Variants in ZNF280D observed in about 807,000 individuals in gnomAD.
The protein encoded by ZNF280D is zinc finger protein 280D.
A neutral mutation model predicts 94.7 loss-of-function variants in ZNF280D; 39 were observed. The observed-to-expected ratio is 0.41, with a 90% CI of 0.32 to 0.54. ZNF280D has a LOEUF of 0.54. ZNF280D is among the 20% of genes least tolerant of loss of function. ZNF280D has a pLI of 0.22. For synonymous variants in ZNF280D, 398 were observed against 377.6 expected (o/e 1.05, Z -0.63); for missense variants, 1,090 against 1,149.3 (o/e 0.95, Z 0.75).
intron 19 of ZNF280D, among the ~76,000 whole-genome samples, chr15:56,644,733 A>G (rs1340761457): frequency 6.6e-6 from 1 of 152,138 alleles, no homozygotes; most frequent in Admixed American, 6.5e-5. Flanking sequence ...AAGTATGTTC[A>G]TTATTGCTGG....
chr15:56,631,797 T>A lies in ZNF280D; in HGVS notation c.2641A>T (p.Ile881Phe). ...TCTGATGCTAATCGCAAATCCTTAA[T>A]ATTCTTTGAAGAAAATCTGGCTTCA... ...SSEARFSSKN[I>F]KDLRLASDNV... Residue 881 changes from isoleucine to phenylalanine, a missense_variant, in exon 22 of 22, where the codon ATT (isoleucine) becomes TTT (phenylalanine). Transcript: ENST00000267807. 6.2e-7 allele frequency: 1 copy of A among 1,614,118 alleles called. No individual in the cohort carries two copies. Among genetic ancestry groups the A allele is most frequent in the Non-Finnish European group, 8.5e-7 (1 of 1,180,016 alleles).
intron 20 of ZNF280D, among the ~76,000 whole-genome samples, chr15:56,642,377 A>G (rs2052671465): frequency 6.6e-6 from 1 of 151,768 alleles, no homozygotes; most frequent in South Asian, 2.1e-4. Context: ...ACTCAAAAAG[A>G]GGCAAACAAT....
chr15:56,670,385 C>T (rs2054780427), intron 13 of ZNF280D, among the ~76,000 whole-genome samples: 1 of 151,564 alleles, frequency 6.6e-6, no homozygotes, highest in African/African-American at 2.4e-5. Flanking sequence ...TGTGTTGTTC[C>T]CCTCTATGTG....
intron 1 of ZNF280D, among the ~76,000 whole-genome samples, chr15:56,708,196 G>A (rs1175016615): frequency 6.6e-6 from 1 of 152,122 alleles, no homozygotes; most frequent in Non-Finnish European, 1.5e-5. Context: ...TCTAAAGTAT[G>A]TAAACTGAAT....
Position 56,707,828 on chromosome 15 carries a change from T to C in ZNF280D, c.-85-522A>G, listed in dbSNP as rs1399615423. Among the ~76,000 whole-genome samples the C allele has an allele frequency of 5.3e-5, 8 of 151,880 alleles. No homozygotes were observed. The South Asian group carries it at 1.7e-3, about 32-fold the overall frequency. ...TCATGGCCTTCTGTATGGAAGGTAA[T>C]GTGCTAAGCTCAGGGGAAAACAAAA... On this transcript the variant is annotated intron_variant, in intron 1 of 21. Coordinates refer to ENST00000267807, the MANE Select transcript of ZNF280D (RefSeq NM_017661.4).
At chr15:56,642,272 A>G (rs1207624731) in intron 20 of ZNF280D, among the ~76,000 whole-genome samples, 3 of 151,836 alleles carry the variant, frequency 2.0e-5, no homozygotes, top group Non-Finnish European at 4.4e-5. Context: ...TGCTTGGAAG[A>G]AGGCTGATAC....
chr15:56,654,838 C>T (rs771668835), intron 17 of ZNF280D: 9 of 467,322 alleles, frequency 1.9e-5, no homozygotes, highest in East Asian at 6.7e-5. Flanking sequence ...TGTCCTCCCA[C>T]GCATCTGCAA....
At position 56,649,547 on chromosome 15, in the gene ZNF280D, C is replaced by G. The variant is rs149870965; in HGVS notation, c.2213+4651G>C. Among the ~76,000 whole-genome samples, 3 of 151,522 alleles carry G rather than the reference C, an allele frequency of 2.0e-5. No individual in the cohort carries two copies. In the South Asian group the frequency reaches 6.3e-4, roughly 32 times the overall value. ...TGAGAGAATCTAGGGGCTAAAATCC[C>G]GGTCACATTTCAAAAGTTTAAAGAA... On this transcript the variant is annotated intron_variant, in intron 19 of 21. Coordinates refer to ENST00000267807, the MANE Select transcript of ZNF280D (RefSeq NM_017661.4).
In ZNF280D at chr15:56,704,243, A is replaced by C; in HGVS notation, c.53T>G (p.Phe18Cys). 2 of 1,610,326 alleles carry C rather than the reference A, an allele frequency of 1.2e-6. No homozygotes were observed. The highest frequency in any genetic ancestry group is 1.7e-6 in the Non-Finnish European group (2 of 1,178,982). The part of the protein sequence containing the change: ...PKSNSKMAEL[F>C]MECEEEELEP... ...CAGCTCCTCTTCTTCACATTCCATA[A>C]ACAGTTCTGCCATTTTTGAATTACC... Residue 18 changes from phenylalanine to cysteine, a missense_variant, in exon 4 of 22, where the codon TTT (phenylalanine) becomes TGT (cysteine). Transcript: ENST00000267807.
chr15:56,663,922 AT>A (rs1393148056), intron 16 of ZNF280D, among the ~76,000 whole-genome samples: 1 of 152,094 alleles, frequency 6.6e-6, no homozygotes, highest in Non-Finnish European at 1.5e-5. Context: ...AGAAGAAGAA[AT>A]GAAGAAATGA....
intron 1 of ZNF280D, among the ~76,000 whole-genome samples, chr15:56,723,174 C>A (rs896780541): frequency 6.6e-6 from 1 of 151,578 alleles, no homozygotes; most frequent in Non-Finnish European, 1.5e-5. Context: ...CACATGTATA[C>A]GTATGTAACT....
intron 6 of ZNF280D, 86 bp downstream of exon 6, chr15:56,700,847 C>A (rs772266314): frequency 2.9e-5 from 47 of 1,607,866 alleles, no homozygotes; most frequent in Non-Finnish European, 3.7e-5. Context: ...TTATGACAGT[C>A]CAGAATTGTA....
At chr15:56,644,960 G>C (rs1232929767) in intron 19 of ZNF280D, among the ~76,000 whole-genome samples, 1 of 152,100 alleles carries the variant, frequency 6.6e-6, no homozygotes, top group Non-Finnish European at 1.5e-5. Flanking sequence ...GTAATAACTA[G>C]TGAACACATT....
At chr15:56,638,705 ATATT>A (rs1284029433) in intron 20 of ZNF280D, among the ~76,000 whole-genome samples, 1 of 152,158 alleles carries the variant, frequency 6.6e-6, no homozygotes, top group Non-Finnish European at 1.5e-5. Flanking sequence ...ATGTTAACAT[ATATT>A]TATTATTTTT....
In ZNF280D at chr15:56,668,881, T is replaced by C; in HGVS notation, c.1487A>G (p.Gln496Arg). The C allele has an allele frequency of 6.2e-7, 1 of 1,612,340 alleles. No individual in the cohort carries two copies. The highest frequency in any genetic ancestry group is 2.2e-5 in the East Asian group (1 of 44,726). The part of the protein sequence containing the change: ...TCKEKMDHKT[Q>R]HHRTFIKPKQ... ...AGGTTTTATAAATGTTCGATGGTGT[T>C]GAGTCTTATGATCCATTTTCTCCTT... Residue 496 changes from glutamine (Q) to arginine (R), a missense_variant, in exon 14 of 22, where the codon CAA (glutamine) becomes CGA (arginine). Gln to Arg is a conservative substitution (Grantham distance 43). Transcript: ENST00000267807.
rs1230385886 is a variant in ZNF280D, at chr15:56,668,868, T to A, written c.1500A>T (p.Thr500=). 6.2e-7 allele frequency: 1 copy of A among 1,611,278 alleles called. No homozygotes were observed. Among genetic ancestry groups the A allele is most frequent in the South Asian group, 1.1e-5 (1 of 90,482 alleles). ...KMDHKTQHHR[T]FIKPKQLEGL... ...CTTCTAGTTGTTTAGGTTTTATAAA[T>A]GTTCGATGGTGTTGAGTCTTATGAT... Residue 500 remains threonine (T), a synonymous_variant, in exon 14 of 22, where the codon ACA becomes ACT. Coordinates refer to ENST00000267807, the MANE Select transcript of ZNF280D (RefSeq NM_017661.4).
chr15:56,732,713 T>G (rs2058956717), intron 1 of ZNF280D: 1 of 152,182 alleles, frequency 6.6e-6, no homozygotes, highest in Admixed American at 6.5e-5. Context: ...AGATTTCTCC[T>G]TAAAAGCGTT....
chr15:56,707,248 A>G lies in ZNF280D; in HGVS notation c.-42+15T>C, dbSNP rs2057463970. ...TTCACAAATTATTGGATGTAAGGTT[A>G]ACCTCTAAACTCACCATGTGACTCC... On this transcript the variant is annotated intron_variant, in intron 2 of 21. Coordinates refer to ENST00000267807, the MANE Select transcript of ZNF280D (RefSeq NM_017661.4). 1 of 1,558,546 alleles carries G rather than the reference A, an allele frequency of 6.4e-7. No homozygotes were observed. Among genetic ancestry groups the G allele is most frequent in the South Asian group, 1.2e-5 (1 of 86,758 alleles).
In ZNF280D at chr15:56,678,692, T is replaced by C; in HGVS notation, c.1134A>G (p.Glu378=). The C allele has an allele frequency of 6.2e-7, 1 of 1,612,276 alleles. No individual in the cohort carries two copies. The highest frequency in any genetic ancestry group is 8.5e-7 in the Non-Finnish European group (1 of 1,179,254). ...AAAATTCATGGGGCGTATGTGTACT[T>C]TCGATGTGACACTGCAACTGAAATG... is the stretch of plus-strand genomic sequence containing the variant. ...PTPFQLQCHI[E]STHTPHEFST... The change falls in exon 11 of 22, where the codon GAA becomes GAG. Residue 378 remains glutamate (E), a synonymous_variant. Coordinates refer to ENST00000267807, the MANE Select transcript of ZNF280D (RefSeq NM_017661.4).
Sources: allele counts gnomAD v4.1 joint callset (sites outside exome capture counted in the v4.1 genomes callset), GRCh38; gene constraint gnomAD v4.1.1; transcripts MANE v1.5; gene names NCBI Gene and HGNC (gene_info 2026-07-23, HGNC 2026-07-21).